Variants in RAP1GAP observed in about 807,000 individuals in gnomAD.
RAP1GAP encodes the protein RAP1 GTPase activating protein.
In RAP1GAP, 35 loss-of-function variants were observed where a neutral mutation model predicts 87.2. The ratio of observed to expected loss-of-function variants is 0.40; its 90% CI spans 0.31 to 0.53. RAP1GAP has a LOEUF of 0.53. RAP1GAP is among the 20% of genes least tolerant of loss of function. The probability of loss-of-function intolerance (pLI) is 0.48; values close to 1 mark genes in which losing one functional copy is unlikely to be tolerated. For synonymous variants in RAP1GAP, 375 were observed against 363.9 expected (o/e 1.03, Z -0.35); for missense variants, 734 against 898.9 (o/e 0.82, Z 2.35).
intron 1 of RAP1GAP, among the ~76,000 whole-genome samples, chr1:21,658,088 A>G (rs957809599): frequency 2.6e-5 from 4 of 152,354 alleles, no homozygotes; most frequent in African/African-American, 9.6e-5. Flanking sequence ...TTTGTTGTTC[A>G]TCAGATATCC....
chr1:21,603,444 G>T lies in RAP1GAP; in HGVS notation c.1429-531C>A. ...CCGCCCCCAGCTTCTCTGGAGGCAGGAAGGGGTAGGACCCCAGGTCACTTC... is the reference window on the plus strand; with the variant it reads ...CCGCCCCCAGCTTCTCTGGAGGCAGTAAGGGGTAGGACCCCAGGTCACTTC... On this transcript the variant is annotated intron_variant, in intron 18 of 24. Coordinates refer to ENST00000374765, the MANE Select transcript of RAP1GAP (RefSeq NM_002885.4). This position sits in a 1 kb window ranked among gnomAD's most constrained non-coding sequence, Gnocchi z 6.0. 1 of 564,282 alleles carries T rather than the reference G, an allele frequency of 1.8e-6. No homozygotes were observed. The highest frequency in any genetic ancestry group is 3.2e-6 in the Non-Finnish European group (1 of 317,012). The allele number at this position is 564,282 out of a possible 1,614,324, so 35.0% of individuals were successfully genotyped here.
Position 21,599,520 on chromosome 1 carries a change from C to G in RAP1GAP, c.1750G>C (p.Gly584Arg). The G allele has an allele frequency of 1.2e-6, 2 of 1,609,558 alleles. No individual in the cohort carries two copies. Among genetic ancestry groups the G allele is most frequent in the Non-Finnish European group, 1.7e-6 (2 of 1,179,964 alleles). The change falls in exon 21 of 25, where the codon GGT becomes CGT. Residue 584 changes from glycine to arginine, a missense_variant. This residue lies in a region of RAP1GAP where 249 missense variants were observed against 252.7 expected (regional missense o/e 0.99). Coordinates refer to ENST00000374765, the MANE Select transcript of RAP1GAP (RefSeq NM_002885.4). The part of the protein sequence containing the change: ...SFASVVEETE[G>R]VDGEDTGLES... ...AGGCCTGTGTCCTCTCCGTCCACAC[C>G]CTCCGTCTCCTCCACCACGCTGGCG...
Position 21,668,564 on chromosome 1 carries a change from G to C in RAP1GAP, c.-149+690C>G, listed in dbSNP as rs12406086. On this transcript the variant is annotated intron_variant, in intron 1 of 24. Transcript: ENST00000374765. The surrounding 1 kb of genome is among the most constrained non-coding windows in gnomAD (Gnocchi z 6.2). ...TGCGTACACAAGGTTTCTTCCCCAAGCCCAGGCGCCCCGCAGCTGGCACCA... is the reference window on the plus strand; with the variant it reads ...TGCGTACACAAGGTTTCTTCCCCAACCCCAGGCGCCCCGCAGCTGGCACCA... The C allele has an allele frequency of 6.6e-6, 1 of 152,400 alleles. No individual in the cohort carries two copies. Among genetic ancestry groups the C allele is most frequent in the Non-Finnish European group, 1.5e-5 (1 of 68,256 alleles). The allele number at this position is 152,400 out of a possible 1,614,324, so 9.4% of individuals were successfully genotyped here. A position where few individuals can be genotyped will look rare whatever the true frequency, so the allele number is the denominator to read the frequency against.
intron 2 of RAP1GAP, among the ~76,000 whole-genome samples, chr1:21,629,806 G>A (rs940907327): frequency 4.6e-5 from 7 of 152,206 alleles, no homozygotes; most frequent in African/African-American, 1.7e-4. Flanking sequence ...GCTCAGAAAG[G>A]TGCGTTAACT....
At chr1:21,612,870 A>C (rs1396517852) in intron 10 of RAP1GAP, among the ~76,000 whole-genome samples, 2 of 152,184 alleles carry the variant, frequency 1.3e-5, no homozygotes. Context: ...CCAGGGGAGG[A>C]CTATGGCACA....
At chr1:21,663,718 T>G (rs764115381) in intron 1 of RAP1GAP, among the ~76,000 whole-genome samples, 1 of 152,136 alleles carries the variant, frequency 6.6e-6, no homozygotes, top group Non-Finnish European at 1.5e-5. Flanking sequence ...TGGACCCATC[T>G]GCCCCACCTC....
At chr1:21,654,503 G>A (rs1369493798) in intron 1 of RAP1GAP, among the ~76,000 whole-genome samples, 2 of 152,258 alleles carry the variant, frequency 1.3e-5, no homozygotes, top group Non-Finnish European at 2.9e-5. Flanking sequence ...ACTGAGAAGA[G>A]TAGAGTATTT....
In RAP1GAP at chr1:21,656,433, A is replaced by ACC. The variant is rs1558909750; in HGVS notation, c.-148-6638_-148-6637insGG. Among the ~76,000 whole-genome samples the ACC allele has an allele frequency of 3.3e-4, 49 of 148,214 alleles. 1 individual carries two copies. Among genetic ancestry groups the ACC allele is most frequent in the African/African-American group, 1.2e-3 (47 of 40,242 alleles). On this transcript the variant is annotated intron_variant, in intron 1 of 24. Transcript: ENST00000374765. Reference sequence around the variant, plus strand: ...GACTCCATCTAAAAAAAAAAAAAAAAAAAAAAAAAAAAAAAAAAAAAGACC... The same window carrying ACC: ...GACTCCATCTAAAAAAAAAAAAAAAACCAAAAAAAAAAAAAAAAAAAAAGACC...
chr1:21,650,697 T>C (rs1486680862), intron 1 of RAP1GAP, among the ~76,000 whole-genome samples: 2 of 152,118 alleles, frequency 1.3e-5, no homozygotes, highest in African/African-American at 4.8e-5. Flanking sequence ...TTGCCCAAGG[T>C]CATAGAACAG....
rs2080130323 is a variant in RAP1GAP at position 21,613,882 on chromosome 1, C to T, written c.395+104G>A. 1.7e-6 allele frequency: 2 copies of T among 1,202,818 alleles called. No individual in the cohort carries two copies. Among genetic ancestry groups the T allele is most frequent in the Admixed American group, 2.1e-5 (1 of 48,468 alleles). 74.5% of individuals were successfully genotyped at this position (1,202,818 alleles called of 1,614,324 possible). On this transcript the variant is annotated intron_variant, in intron 8 of 24. Coordinates refer to ENST00000374765, the MANE Select transcript of RAP1GAP (RefSeq NM_002885.4). The surrounding 1 kb of genome is among the most constrained non-coding windows in gnomAD (Gnocchi z 4.7). ...TGTGCAACCTCAAGCAAATCCCTGC[C>T]CCTCTATGGGCCTTGATGAAGAGAG...
At chr1:21,660,484 C>T (rs2097113941) in intron 1 of RAP1GAP, among the ~76,000 whole-genome samples, 1 of 151,222 alleles carries the variant, frequency 6.6e-6, no homozygotes, top group Admixed American at 6.6e-5. Flanking sequence ...CAGGCACCCG[C>T]CACCATGCCC....
At position 21,669,295 on chromosome 1, in the gene RAP1GAP, G is replaced by T. The variant is rs1427087141; in HGVS notation, c.-190C>A. ...GGGGCGTCCTGGGCTCGGCACTCTG[G>T]TGCCCGCGGCCGCCGCTGCAGCTCT... On this transcript the variant is annotated 5_prime_UTR_variant, in exon 1 of 25. Coordinates refer to ENST00000374765, the MANE Select transcript of RAP1GAP (RefSeq NM_002885.4). This position sits in a 1 kb window ranked among gnomAD's most constrained non-coding sequence, Gnocchi z 5.6. 2 of 1,178,908 alleles carry T rather than the reference G, an allele frequency of 1.7e-6. No homozygotes were observed. The highest frequency in any genetic ancestry group is 3.1e-5 in the South Asian group (2 of 64,478). 73.0% of individuals were successfully genotyped at this position (1,178,908 alleles called of 1,614,324 possible).
intron 2 of RAP1GAP, among the ~76,000 whole-genome samples, chr1:21,641,086 T>TC (rs1404738777): frequency 6.7e-6 from 1 of 150,336 alleles, no homozygotes; most frequent in Non-Finnish European, 1.5e-5. Context: ...TTTTTTTTTT[T>TC]TTTTTGTATT....
intron 10 of RAP1GAP, among the ~76,000 whole-genome samples, chr1:21,612,340 T>C (rs2078922869): frequency 6.6e-6 from 1 of 152,196 alleles, no homozygotes; most frequent in Non-Finnish European, 1.5e-5. Flanking sequence ...GCTTGGGATT[T>C]GACCCCAGGT....
intron 2 of RAP1GAP, among the ~76,000 whole-genome samples, chr1:21,645,272 T>C (rs992195674): frequency 5.3e-5 from 8 of 152,128 alleles, no homozygotes; most frequent in Non-Finnish European, 1.0e-4. Context: ...CTGCCCATTC[T>C]GGTCCCAAAT....
At chr1:21,654,695 G>A (rs1034280329) in intron 1 of RAP1GAP, among the ~76,000 whole-genome samples, 1 of 152,134 alleles carries the variant, frequency 6.6e-6, no homozygotes, top group Non-Finnish European at 1.5e-5. Flanking sequence ...AGCCAGGTGT[G>A]ATGGTGCACA....
In RAP1GAP at chr1:21,599,478, C is replaced by A. The variant is rs373300446; in HGVS notation, c.1776+16G>T. On this transcript the variant is annotated intron_variant, in intron 21 of 24. Transcript: ENST00000374765. ...CCAAGCTCCTGTGGGGCCCCTGACC[C>A]CCCTGAGCCTCTCACCAGGCCTGTG... 1 of 1,605,004 alleles carries A rather than the reference C, an allele frequency of 6.2e-7. No homozygotes were observed. Among genetic ancestry groups the A allele is most frequent in the Non-Finnish European group, 8.5e-7 (1 of 1,178,518 alleles).
Position 21,601,738 on chromosome 1 carries a change from T to A in RAP1GAP, c.1598A>T (p.Lys533Met). 6.2e-7 allele frequency: 1 copy of A among 1,612,368 alleles called. No individual in the cohort carries two copies. The highest frequency in any genetic ancestry group is 8.5e-7 in the Non-Finnish European group (1 of 1,178,876). ...GCTCTGAGTGGATGAGTTCTCCGACTTGGGCTCCTGTGAGACGTGCCCGCT... is the reference window on the plus strand; with the variant it reads ...GCTCTGAGTGGATGAGTTCTCCGACATGGGCTCCTGTGAGACGTGCCCGCT... The part of the protein sequence containing the change: ...PDSGHVSQEP[K>M]SENSSTQSSP... Residue 533 changes from lysine to methionine, a missense_variant, in exon 20 of 25, where the codon AAG (lysine) becomes ATG (methionine). Transcript: ENST00000374765.
chr1:21,603,075 C>T lies in RAP1GAP; in HGVS notation c.1429-162G>A, dbSNP rs2070384002. ...TTCCCAGAGACAGCCTCCCAGTTTA[C>T]GAAAGGGAAACAGTCCCCAGGAGGG... On this transcript the variant is annotated intron_variant, in intron 18 of 24. Coordinates refer to ENST00000374765, the MANE Select transcript of RAP1GAP (RefSeq NM_002885.4). This position sits in a 1 kb window ranked among gnomAD's most constrained non-coding sequence, Gnocchi z 6.0. The T allele has an allele frequency of 3.3e-6, 2 of 598,856 alleles. No homozygotes were observed. The highest frequency in any genetic ancestry group is 5.9e-6 in the Non-Finnish European group (2 of 340,230). The allele number at this position is 598,856 out of a possible 1,614,324, so 37.1% of individuals were successfully genotyped here. A position where few individuals can be genotyped will look rare whatever the true frequency, so the allele number is the denominator to read the frequency against.
Sources: gnomAD v4.1 joint callset for allele counts (sites outside exome capture counted in the v4.1 genomes callset) on GRCh38, gnomAD v4.1.1 for gene constraint, gnomAD v4.1.1 regional missense constraint, Gnocchi (gnomAD v3.1) non-coding constraint, MANE v1.5 for transcripts, NCBI Gene and HGNC (gene_info 2026-07-23, HGNC 2026-07-21) for gene names.